Variants in CNTNAP2 observed in about 807,000 individuals in gnomAD.
CNTNAP2 encodes contactin associated protein 2.
A neutral mutation model predicts 155.2 loss-of-function variants in CNTNAP2; 98 were observed. The observed-to-expected ratio is 0.63, with a 90% confidence interval of 0.54 to 0.75. The LOEUF is 0.75. Ranked by LOEUF, CNTNAP2 falls within the 30% of genes least tolerant of loss-of-function variation. The pLI is 0.00. For synonymous variants in CNTNAP2, 651 were observed against 631.2 expected (o/e 1.03, Z -0.47); for missense variants, 1,727 against 1,688.1 (o/e 1.02, Z -0.40).
Position 148,412,391 on chromosome 7 carries a change from C to T in CNTNAP2, c.3796+2920C>T, listed in dbSNP as rs564212363. Reference sequence around the variant, plus strand: ...ACGATATTTAGTATTTCTATCTTTACATGGTGTATCTATACGTTTATTTGT... The same window carrying T: ...ACGATATTTAGTATTTCTATCTTTATATGGTGTATCTATACGTTTATTTGT... On this transcript the variant is annotated intron_variant, in intron 23 of 23. Transcript: ENST00000361727. 5.1e-4 allele frequency among the ~76,000 whole-genome samples: 77 copies of T among 152,374 alleles called. 1 individual carries two copies. Among genetic ancestry groups the T allele is most frequent in the South Asian group, 2.1e-3 (10 of 4,824 alleles).
intron 13 of CNTNAP2, among the ~76,000 whole-genome samples, chr7:147,821,641 T>C (rs1399867038): frequency 6.6e-6 from 1 of 151,958 alleles, no homozygotes; most frequent in Non-Finnish European, 1.5e-5. Context: ...GATTCAGAGA[T>C]GTGAAGAATT....
At chr7:147,070,238 A>G (rs1383945074) in intron 4 of CNTNAP2, among the ~76,000 whole-genome samples, 1 of 152,218 alleles carries the variant, frequency 6.6e-6, no homozygotes, top group Non-Finnish European at 1.5e-5. Context: ...GGTATATAGC[A>G]TAGTCTCTTT....
intron 4 of CNTNAP2, among the ~76,000 whole-genome samples, chr7:147,065,144 T>C (rs1018337009): frequency 1.3e-5 from 2 of 152,190 alleles, no homozygotes; most frequent in African/African-American, 4.8e-5. Context: ...TTATTAGCTA[T>C]GAAGCCTTAA....
chr7:147,565,152 T>A (rs888300942), intron 12 of CNTNAP2, among the ~76,000 whole-genome samples: 2 of 152,046 alleles, frequency 1.3e-5, no homozygotes, highest in Non-Finnish European at 2.9e-5. Flanking sequence ...ATCCGAAGTA[T>A]AAAAGGAGGC....
chr7:147,101,963 C>T (rs116118106), intron 4 of CNTNAP2, among the ~76,000 whole-genome samples: 4 of 151,962 alleles, frequency 2.6e-5, no homozygotes, highest in African/African-American at 7.3e-5. Context: ...GAGGGCGGAG[C>T]CTTTGCCGGG....
At chr7:147,964,522 C>T (rs1323022007) in intron 14 of CNTNAP2, among the ~76,000 whole-genome samples, 2 of 152,090 alleles carry the variant, frequency 1.3e-5, no homozygotes, top group Admixed American at 6.6e-5. Flanking sequence ...TGGATCCTCA[C>T]AGGAGAAAAA....
intron 9 of CNTNAP2, among the ~76,000 whole-genome samples, chr7:147,340,954 G>T (rs548592471): frequency 1.5e-4 from 23 of 151,928 alleles, no homozygotes; most frequent in Admixed American, 5.9e-4. Flanking sequence ...AGCTGCCACC[G>T]CTAGATGCTC....
At chr7:147,849,524 G>A (rs569336564) in intron 13 of CNTNAP2, among the ~76,000 whole-genome samples, 2 of 152,270 alleles carry the variant, frequency 1.3e-5, no homozygotes, top group South Asian at 4.1e-4. Flanking sequence ...AAATACCTAT[G>A]CAGCATTATC....
intron 1 of CNTNAP2, among the ~76,000 whole-genome samples, chr7:146,657,598 T>C (rs1211055296): frequency 6.6e-6 from 1 of 152,148 alleles, no homozygotes; most frequent in Non-Finnish European, 1.5e-5. Flanking sequence ...TTTTGTCTCT[T>C]AGATTTTGAC....
chr7:147,184,780 A>G (rs1802530404), intron 8 of CNTNAP2, among the ~76,000 whole-genome samples: 1 of 152,210 alleles, frequency 6.6e-6, no homozygotes, highest in Admixed American at 6.5e-5. Flanking sequence ...CAATGTACTT[A>G]AATGTCCAAA....
At chr7:147,906,736 A>G (rs1318836028) in intron 14 of CNTNAP2, among the ~76,000 whole-genome samples, 2 of 152,216 alleles carry the variant, frequency 1.3e-5, no homozygotes, top group Non-Finnish European at 2.9e-5. Context: ...CTGGGATTAT[A>G]GGCGTGAGCC....
chr7:146,918,900 T>C, intron 3 of CNTNAP2, among the ~76,000 whole-genome samples: 1 of 152,216 alleles, frequency 6.6e-6, no homozygotes, highest in East Asian at 1.9e-4. Context: ...TCTATTTCTT[T>C]GTCAGATTGG....
chr7:146,713,589 T>C (rs1801135868), intron 1 of CNTNAP2, among the ~76,000 whole-genome samples: 1 of 152,204 alleles, frequency 6.6e-6, no homozygotes, highest in Non-Finnish European at 1.5e-5. Flanking sequence ...TGTATCTCTA[T>C]TCTTTCTGCA....
At chr7:148,214,274 A>G (rs1178535795) in intron 18 of CNTNAP2, among the ~76,000 whole-genome samples, 2 of 152,222 alleles carry the variant, frequency 1.3e-5, no homozygotes, top group Non-Finnish European at 2.9e-5. Flanking sequence ...GTCAGTGCTC[A>G]ATAGATGTTT....
At chr7:147,407,610 A>C (rs1016121804) in intron 10 of CNTNAP2, among the ~76,000 whole-genome samples, 5 of 152,108 alleles carry the variant, frequency 3.3e-5, no homozygotes, top group African/African-American at 1.2e-4. Context: ...ACACAATGAG[A>C]AAACCAAAAG....
chr7:147,689,722 T>A (rs1006836595), intron 13 of CNTNAP2, among the ~76,000 whole-genome samples: 1 of 152,112 alleles, frequency 6.6e-6, no homozygotes, highest in Non-Finnish European at 1.5e-5. Flanking sequence ...AATACCACTG[T>A]GAAAATTTTG....
rs372297398 is a variant in CNTNAP2 at position 147,464,503 on chromosome 7, G to A, written c.1671-21432G>A. Among the ~76,000 whole-genome samples the A allele has an allele frequency of 1.0e-4, 15 of 148,216 alleles. No individual in the cohort carries two copies. In the South Asian group the frequency reaches 1.9e-3, roughly 19 times the overall value. On this transcript the variant is annotated intron_variant, in intron 10 of 23. Coordinates refer to ENST00000361727, the MANE Select transcript of CNTNAP2 (RefSeq NM_014141.6). ...AAAAAAAAAAAAAGTGCGTGTTTGT[G>A]CCCAAGTCCTGACTGTGTCACAAAT...
At chr7:148,392,572 C>G (rs894643070) in intron 22 of CNTNAP2, among the ~76,000 whole-genome samples, 3 of 152,174 alleles carry the variant, frequency 2.0e-5, no homozygotes, top group Non-Finnish European at 4.4e-5. Context: ...GCATCTGACA[C>G]TGGGAGGTCC....
intron 9 of CNTNAP2, among the ~76,000 whole-genome samples, chr7:147,383,618 C>T (rs1056881631): frequency 1.3e-5 from 2 of 151,566 alleles, no homozygotes; most frequent in Non-Finnish European, 2.9e-5. Flanking sequence ...CGGGGCCTGT[C>T]GGGGTGGGGA....
Sources: allele counts gnomAD v4.1 joint callset (sites outside exome capture counted in the v4.1 genomes callset), GRCh38; gene constraint gnomAD v4.1.1; transcripts MANE v1.5; gene names NCBI Gene and HGNC (gene_info 2026-07-23, HGNC 2026-07-21).